The following MED17 variants were observed in gnomAD, a reference collection of about 807,000 sequenced individuals.
MED17 encodes the protein mediator complex subunit 17.
In MED17, 49 loss-of-function variants were observed where a neutral mutation model predicts 80.8. The ratio of observed to expected loss-of-function variants is 0.61; its 90% CI spans 0.48 to 0.77. MED17 has a LOEUF of 0.77. MED17 is among the 30% of genes least tolerant of loss of function. The probability of loss-of-function intolerance (pLI) is 0.00; values close to 1 mark genes in which losing one functional copy is unlikely to be tolerated. For synonymous variants in MED17, 281 were observed against 280.4 expected, an observed-to-expected ratio of 1.00 and a Z score of -0.02; for missense variants, 718 against 787.0, an observed-to-expected ratio of 0.91 and a Z score of 1.05.
intron 8 of MED17, among the ~76,000 whole-genome samples, chr11:93,798,258 A>T (rs1208720586): frequency 6.6e-6 from 1 of 152,210 alleles, no homozygotes; most frequent in Non-Finnish European, 1.5e-5. Flanking sequence ...ATGTAACGCC[A>T]AAGCTCTTTT....
At chr11:93,794,504 T>G in intron 5 of MED17, 2 of 255,498 alleles carry the variant, frequency 7.8e-6, no homozygotes, top group Non-Finnish European at 7.5e-6. Flanking sequence ...AGCACCTTTT[T>G]TTAAGATTGG....
In MED17 at chr11:93,813,460, G is replaced by C. The variant is rs549616469; in HGVS notation, c.*1396G>C. On this transcript the variant is annotated 3_prime_UTR_variant, in exon 12 of 12. Coordinates refer to ENST00000251871, the MANE Select transcript of MED17 (RefSeq NM_004268.5). ...CTTGAGTGCTTCAAAAATTATTGTT[G>C]CCTGCAAAATTTGCCTTGGTCAATA... The C allele has an allele frequency of 3.9e-5, 6 of 152,144 alleles. No homozygotes were observed. Among genetic ancestry groups the C allele is most frequent in the Admixed American group, 2.0e-4 (3 of 15,274 alleles). 9.4% of individuals were successfully genotyped at this position (152,144 alleles called of 1,614,324 possible). A position where few individuals can be genotyped will look rare whatever the true frequency, so the allele number is the denominator to read the frequency against.
chr11:93,797,363 T>G, intron 7 of MED17, 172 bp from the exon 8 acceptor site: 1 of 649,716 alleles, frequency 1.5e-6, no homozygotes, highest in South Asian at 1.8e-5. Context: ...CTCTTTACAG[T>G]CTTGCATTAT....
At chr11:93,810,914 T>C (rs1224382454) in intron 11 of MED17, 2 of 152,240 alleles carry the variant, frequency 1.3e-5, no homozygotes, top group Non-Finnish European at 2.9e-5. Context: ...CGTATGATAA[T>C]AGAGTGCACT....
chr11:93,810,180 A>G (rs1944071343), intron 11 of MED17: 1 of 369,820 alleles, frequency 2.7e-6, no homozygotes, highest in Middle Eastern at 9.0e-4. Flanking sequence ...TAAAAAAAAT[A>G]TATACTGCTG....
chr11:93,795,362 G>GCCAA, intron 6 of MED17: 1 of 374,440 alleles, frequency 2.7e-6, no homozygotes, highest in East Asian at 5.9e-5. Context: ...AGCAACAGTT[G>GCCAA]CTTTGAGGGA....
chr11:93,793,705 T>A (rs762332954), intron 3 of MED17, 23 bp from the exon 4 acceptor site: 5 of 1,480,328 alleles, frequency 3.4e-6, no homozygotes, highest in Non-Finnish European at 4.7e-6. Context: ...TTTTATATTT[T>A]CCTATTTTTA....
rs1013646011 is a variant in MED17 at position 93,812,891 on chromosome 11, C to G, written c.*827C>G. 1 of 152,204 alleles carries G rather than the reference C, an allele frequency of 6.6e-6. No individual in the cohort carries two copies. The highest frequency in any genetic ancestry group is 1.5e-5 in the Non-Finnish European group (1 of 68,090). 9.4% of individuals were successfully genotyped at this position (152,204 alleles called of 1,614,324 possible). ...TAGGGCGTCCTCAAGTTTTTTTGGT[C>G]TGTTCTCCCACTTGATTGACCTCAC... On this transcript the variant is annotated 3_prime_UTR_variant, in exon 12 of 12. Coordinates refer to ENST00000251871, the MANE Select transcript of MED17 (RefSeq NM_004268.5).
intron 3 of MED17, chr11:93,793,112 C>CCCTT (rs1333532314): frequency 0.015 from 321 of 21,002 alleles, 5 homozygotes; most frequent in African/African-American, 0.026. Flanking sequence ...AGGAGTACAC[C>CCCTT]TCTTTTTTTT....
intron 11 of MED17, chr11:93,810,922 A>G (rs1180760716): frequency 1.3e-5 from 2 of 152,246 alleles, no homozygotes; most frequent in African/African-American, 2.4e-5. Flanking sequence ...AATAGAGTGC[A>G]CTTACACAGC....
At chr11:93,801,812 T>C (rs1248941793) in intron 8 of MED17, 23 bp from the exon 9 acceptor site, 2 of 1,610,564 alleles carry the variant, frequency 1.2e-6, no homozygotes, top group East Asian at 4.5e-5. Flanking sequence ...TTAAAAAGTT[T>C]TTTAACTTCT....
At chr11:93,788,387 G>A in intron 2 of MED17, 1 of 459,606 alleles carries the variant, frequency 2.2e-6, no homozygotes, top group Non-Finnish European at 3.9e-6. Flanking sequence ...CATTAAGAAT[G>A]TAATACCTTT....
At chr11:93,808,322 C>G (rs536985731) in intron 10 of MED17, 1 of 147,582 alleles carries the variant, frequency 6.8e-6, no homozygotes, top group Non-Finnish European at 1.5e-5. Context: ...ATAATTGGTC[C>G]CACTGTACTT....
intron 3 of MED17, among the ~76,000 whole-genome samples, chr11:93,791,423 G>T (rs1009959568): frequency 6.6e-6 from 1 of 152,088 alleles, no homozygotes; most frequent in Non-Finnish European, 1.5e-5. Context: ...AACTGAACAT[G>T]GCGGGGTGCA....
At position 93,785,997 on chromosome 11, in the gene MED17, C is replaced by G. The variant is rs111967802; in HGVS notation, c.250+1234C>G. 7.8e-3 allele frequency among the ~76,000 whole-genome samples: 794 copies of G among 101,364 alleles called. 7 individuals are homozygous for G. Among genetic ancestry groups the G allele is most frequent in the African/African-American group, 0.02 (747 of 36,510 alleles). The allele number at this position is 101,364 out of a possible 152,430, so 66.5% of individuals were successfully genotyped here. Reference sequence around the variant, plus strand: ...CCAGCCTGGGTAACAGAACAAGACTCTAACATCCACACACACAACCACACA... The same window carrying G: ...CCAGCCTGGGTAACAGAACAAGACTGTAACATCCACACACACAACCACACA... On this transcript the variant is annotated intron_variant, in intron 1 of 11. Coordinates refer to ENST00000251871, the MANE Select transcript of MED17 (RefSeq NM_004268.5).
intron 8 of MED17, 187 bp from the exon 9 acceptor site, chr11:93,801,648 C>G: frequency 1.7e-6 from 1 of 580,574 alleles, no homozygotes; most frequent in East Asian, 3.0e-5. Context: ...AGCTGAGAAC[C>G]TACACATTCA....
chr11:93,790,062 A>G (rs1435859707), intron 2 of MED17, among the ~76,000 whole-genome samples: 3 of 152,202 alleles, frequency 2.0e-5, no homozygotes, highest in Admixed American at 2.0e-4. Flanking sequence ...ATACAAGATA[A>G]TTTTACAGTT....
At chr11:93,809,160 A>AG (rs1486174793) in intron 10 of MED17, 1 of 177,736 alleles carries the variant, frequency 5.6e-6, no homozygotes, top group African/African-American at 2.4e-5. Flanking sequence ...AAGAACCCTA[A>AG]GGGGGAGAGT....
Position 93,809,803 on chromosome 11 carries a change from T to C in MED17, c.1671T>C (p.Leu557=), listed in dbSNP as rs1212980283. 2 of 1,614,092 alleles carry C rather than the reference T, an allele frequency of 1.2e-6. No homozygotes were observed. The highest frequency in any genetic ancestry group is 1.7e-6 in the Non-Finnish European group (2 of 1,180,040). The change falls in exon 11 of 12, where the codon CTT becomes CTC. Residue 557 remains leucine (L), a synonymous_variant. Coordinates refer to ENST00000251871, the MANE Select transcript of MED17 (RefSeq NM_004268.5). ...TGAGCTTCAGTAATCATGTGGGACT[T>C]GGACCTATAGAGAGCATTGGTAATG... ...QVLSFSNHVG[L]GPIESIGNAS...
Sources: gnomAD v4.1 joint callset for allele counts (sites outside exome capture counted in the v4.1 genomes callset) on GRCh38, gnomAD v4.1.1 for gene constraint, MANE v1.5 for transcripts, NCBI Gene and HGNC (gene_info 2026-07-23, HGNC 2026-07-21) for gene names.